ADAMTS12: variants seen among roughly 807,000 people sequenced by gnomAD.
The protein encoded by ADAMTS12 is ADAM metallopeptidase with thrombospondin type 1 motif 12, also known as A disintegrin and metalloproteinase with thrombospondin motifs 12.
A neutral mutation model predicts 167.8 loss-of-function variants in ADAMTS12; 118 were observed. The ratio of observed to expected loss-of-function variants is 0.70; its 90% CI spans 0.61 to 0.82. The LOEUF is 0.82. ADAMTS12 is among the 40% of genes least tolerant of loss of function. The pLI is 0.00. For missense variants in ADAMTS12, 1,916 were observed against 1,998.8 expected, an observed-to-expected ratio of 0.96 and a Z score of 0.79; for synonymous variants, 704 against 716.9, an observed-to-expected ratio of 0.98 and a Z score of 0.29.
At chr5:33,729,682 G>A (rs1744109677) in intron 3 of ADAMTS12, among the ~76,000 whole-genome samples, 1 of 152,114 alleles carries the variant, frequency 6.6e-6, no homozygotes, top group Admixed American at 6.5e-5. Flanking sequence ...TACTCTGAAG[G>A]GTTCTGAAAA....
At chr5:33,527,899 C>G (rs992078839) in intron 23 of ADAMTS12, among the ~76,000 whole-genome samples, 2 of 152,112 alleles carry the variant, frequency 1.3e-5, no homozygotes, top group African/African-American at 4.8e-5. Flanking sequence ...TGAACCTTGG[C>G]TGACCTATAG....
chr5:33,807,600 A>C (rs1223770973), intron 2 of ADAMTS12, among the ~76,000 whole-genome samples: 1 of 152,214 alleles, frequency 6.6e-6, no homozygotes, highest in Non-Finnish European at 1.5e-5. Context: ...TATTGTTTTC[A>C]TAATCATTGG....
At chr5:33,545,865 G>T (rs1342330896) in intron 22 of ADAMTS12, among the ~76,000 whole-genome samples, 194 bp downstream of exon 22, 1 of 150,976 alleles carries the variant, frequency 6.6e-6, no homozygotes, top group African/African-American at 2.4e-5. Flanking sequence ...CTGTCGGGGG[G>T]TGGGGGGCTG....
intron 22 of ADAMTS12, among the ~76,000 whole-genome samples, chr5:33,539,194 G>A (rs542401329): frequency 3.9e-5 from 6 of 152,222 alleles, no homozygotes; most frequent in South Asian, 2.1e-4. Flanking sequence ...CACCTGCTTC[G>A]GCCTCCCAAA....
intron 5 of ADAMTS12, among the ~76,000 whole-genome samples, chr5:33,680,338 G>T (rs62349657): frequency 0.053 from 8,024 of 152,176 alleles, 434 homozygotes; most frequent in East Asian, 0.17. Context: ...ATTATTTCTC[G>T]GGAATGAAGA....
chr5:33,798,898 A>G (rs1010382425), intron 2 of ADAMTS12, among the ~76,000 whole-genome samples: 3 of 152,172 alleles, frequency 2.0e-5, no homozygotes, highest in Non-Finnish European at 4.4e-5. Flanking sequence ...TCTATAACAG[A>G]TAGCATCACC....
intron 2 of ADAMTS12, among the ~76,000 whole-genome samples, chr5:33,788,287 C>CT (rs202227205): frequency 4.4e-4 from 67 of 151,140 alleles, no homozygotes; most frequent in African/African-American, 1.1e-3. Flanking sequence ...TTCTCTCTCT[C>CT]TTTTTTTTTG....
chr5:33,649,404 G>A (rs1740793445), intron 8 of ADAMTS12, 150 bp downstream of exon 8: 1 of 966,814 alleles, frequency 1.0e-6, no homozygotes, highest in Non-Finnish European at 1.5e-6. Context: ...ATGCAGAAGT[G>A]AAATCCGCCC....
intron 2 of ADAMTS12, among the ~76,000 whole-genome samples, chr5:33,849,506 T>TATATATATATGTATTGCAC (rs1749120828): frequency 8.0e-6 from 1 of 124,980 alleles, no homozygotes; most frequent in Non-Finnish European, 1.6e-5. Context: ...ATGTATTGCA[T>TATATATATATGTATTGCAC]AGCAATATAT....
chr5:33,676,200 G>T (rs929187504), intron 5 of ADAMTS12, among the ~76,000 whole-genome samples: 1 of 152,052 alleles, frequency 6.6e-6, no homozygotes, highest in African/African-American at 2.4e-5. Flanking sequence ...GCTCCACATG[G>T]GAAATAATTT....
chr5:33,843,330 G>A (rs1748815880), intron 2 of ADAMTS12, among the ~76,000 whole-genome samples: 1 of 152,128 alleles, frequency 6.6e-6, no homozygotes, highest in South Asian at 2.1e-4. Flanking sequence ...AGCAAGCTAA[G>A]GTGGACAGCC....
chr5:33,807,854 G>A (rs77391373), intron 2 of ADAMTS12, among the ~76,000 whole-genome samples: 1 of 152,214 alleles, frequency 6.6e-6, no homozygotes, highest in Non-Finnish European at 1.5e-5. Flanking sequence ...TGTGGAAGGA[G>A]AGTGCAGTTA....
At chr5:33,617,081 G>T (rs1240264142) in intron 14 of ADAMTS12, among the ~76,000 whole-genome samples, 1 of 152,278 alleles carries the variant, frequency 6.6e-6, no homozygotes, top group Non-Finnish European at 1.5e-5. Context: ...AGCTCTATGA[G>T]TTTCATTGAT....
chr5:33,607,713 T>C (rs1416303095), intron 16 of ADAMTS12, among the ~76,000 whole-genome samples: 2 of 152,176 alleles, frequency 1.3e-5, no homozygotes, highest in Admixed American at 1.3e-4. Context: ...GTTCTCCTTG[T>C]AGAGATCTTT....
chr5:33,700,928 TA>T (rs528710270), intron 3 of ADAMTS12, among the ~76,000 whole-genome samples: 184 of 152,290 alleles, frequency 1.2e-3, no homozygotes, highest in African/African-American at 4.4e-3. Context: ...AACCTACACG[TA>T]AATCTCCAAA....
chr5:33,670,998 A>G lies in ADAMTS12; in HGVS notation c.916-8958T>C, dbSNP rs561941319. Among the ~76,000 whole-genome samples the G allele has an allele frequency of 2.6e-5, 4 of 152,134 alleles. No homozygotes were observed. The South Asian group carries it at 8.3e-4, about 32-fold the overall frequency. ...TCAGCAAAAAGGGGAAAAACTCTTG[A>G]TACACACAATTTCAATGGATCTCAA... On this transcript the variant is annotated intron_variant, in intron 5 of 23. Transcript: ENST00000504830.
At chr5:33,880,851 TC>T (rs1264025014) in intron 2 of ADAMTS12, 8 of 419,886 alleles carry the variant, frequency 1.9e-5, no homozygotes, top group East Asian at 1.6e-4. Flanking sequence ...TCCCTCTTCT[TC>T]CCCCTCCAAC....
chr5:33,861,904 T>C (rs1054876990), intron 2 of ADAMTS12, among the ~76,000 whole-genome samples: 2 of 152,208 alleles, frequency 1.3e-5, no homozygotes, highest in African/African-American at 4.8e-5. Flanking sequence ...ACATGGAAAC[T>C]GAATAACTTG....
intron 2 of ADAMTS12, among the ~76,000 whole-genome samples, chr5:33,792,121 C>T (rs1746597077): frequency 6.6e-6 from 1 of 151,892 alleles, no homozygotes; most frequent in African/African-American, 2.4e-5. Context: ...CCCCAGGCTC[C>T]AGAGTAGCTG....
Sources: gnomAD v4.1 joint callset for allele counts (sites outside exome capture counted in the v4.1 genomes callset) on GRCh38, gnomAD v4.1.1 for gene constraint, MANE v1.5 for transcripts, NCBI Gene and HGNC (gene_info 2026-07-23, HGNC 2026-07-21) for gene names.